SLC8A1: variants seen among roughly 807,000 people sequenced by gnomAD.
SLC8A1 encodes solute carrier family 8 member A1.
Under a neutral mutation model 68.3 loss-of-function variants are expected in SLC8A1, and 18 were observed. That is an observed-to-expected ratio of 0.26 (90% CI 0.18 to 0.39). The LOEUF is 0.39. Ranked by LOEUF, SLC8A1 falls within the 10% of genes least tolerant of loss-of-function variation. SLC8A1 has a pLI of 1.00. For synonymous variants in SLC8A1, 475 were observed against 415.5 expected, an observed-to-expected ratio of 1.14 and a Z score of -1.74; for missense variants, 985 against 1,156.7, an observed-to-expected ratio of 0.85 and a Z score of 2.15.
chr2:40,285,258 T>A (rs2068126720), intron 2 of SLC8A1, among the ~76,000 whole-genome samples: 2 of 152,136 alleles, frequency 1.3e-5, no homozygotes, highest in African/African-American at 4.8e-5. Context: ...TATTTTTTGA[T>A]CACTACAATA....
At chr2:40,383,677 G>A (rs1682654769) in intron 2 of SLC8A1, among the ~76,000 whole-genome samples, 1 of 152,008 alleles carries the variant, frequency 6.6e-6, no homozygotes. Flanking sequence ...ACATAAACAA[G>A]TATTAAATAT....
At chr2:40,420,461 C>T (rs540902084) in intron 2 of SLC8A1, among the ~76,000 whole-genome samples, 2 of 151,790 alleles carry the variant, frequency 1.3e-5, no homozygotes, top group East Asian at 1.9e-4. Context: ...AGCGCCAAAG[C>T]AGGCAATGAC....
At chr2:40,365,564 T>C (rs1438037728) in intron 2 of SLC8A1, among the ~76,000 whole-genome samples, 2 of 152,094 alleles carry the variant, frequency 1.3e-5, no homozygotes, top group Non-Finnish European at 2.9e-5. Context: ...GGGCTCTGAA[T>C]CCCATTTGGA....
chr2:40,291,893 G>A (rs1249384166), intron 2 of SLC8A1, among the ~76,000 whole-genome samples: 1 of 149,578 alleles, frequency 6.7e-6, no homozygotes, highest in Non-Finnish European at 1.5e-5. Flanking sequence ...TGCTGGACAA[G>A]ACATCTTTAC....
chr2:40,396,179 G>GA, intron 2 of SLC8A1, among the ~76,000 whole-genome samples: 1 of 152,268 alleles, frequency 6.6e-6, no homozygotes, highest in East Asian at 1.9e-4. Flanking sequence ...GTCTCTAAGA[G>GA]AAAATGTGAG....
intron 2 of SLC8A1, among the ~76,000 whole-genome samples, chr2:40,289,499 A>T (rs1047280311): frequency 6.6e-6 from 1 of 152,240 alleles, no homozygotes; most frequent in East Asian, 1.9e-4. Flanking sequence ...CTGTCTCCAG[A>T]CAATCCCATT....
chr2:40,145,956 A>C (rs536357470), intron 6 of SLC8A1, among the ~76,000 whole-genome samples: 132 of 119,114 alleles, frequency 1.1e-3, no homozygotes, highest in African/African-American at 3.4e-3. Context: ...TTCCCAAACA[A>C]GAGTTGATCT....
At chr2:40,226,987 T>C (rs2059060331) in intron 2 of SLC8A1, among the ~76,000 whole-genome samples, 1 of 152,054 alleles carries the variant, frequency 6.6e-6, no homozygotes, top group Non-Finnish European at 1.5e-5. Context: ...TAAGAGACAT[T>C]TTAACAACAG....
At position 40,461,663 on chromosome 2, in the gene SLC8A1, A is replaced by G. The variant is rs558241796; in HGVS notation, c.-24-31359T>C. Among the ~76,000 whole-genome samples, 165 of 152,362 alleles carry G rather than the reference A, an allele frequency of 1.1e-3. 4 individuals are homozygous for G. Among genetic ancestry groups the G allele is most frequent in the Admixed American group, 1.3e-3 (20 of 15,298 alleles). ...GATTTTACTATTATTTCAGAAATAT[A>G]CAAGACCAGTGAAGGAAATCTAATA... On this transcript the variant is annotated intron_variant, in intron 1 of 7. Transcript: ENST00000402441.
chr2:40,348,709 G>C (rs1670116460), intron 2 of SLC8A1, among the ~76,000 whole-genome samples: 1 of 152,110 alleles, frequency 6.6e-6, no homozygotes, highest in Admixed American at 6.6e-5. Flanking sequence ...TGACCAGAAA[G>C]AGTGAGGACA....
intron 2 of SLC8A1, among the ~76,000 whole-genome samples, chr2:40,341,314 G>A (rs567444817): frequency 6.6e-6 from 1 of 152,134 alleles, no homozygotes; most frequent in African/African-American, 2.4e-5. Flanking sequence ...AAGTAAATAA[G>A]TAAATAAATA....
chr2:40,362,822 T>G (rs1388268869), intron 2 of SLC8A1, among the ~76,000 whole-genome samples: 1 of 152,164 alleles, frequency 6.6e-6, no homozygotes, highest in Non-Finnish European at 1.5e-5. Flanking sequence ...CAAGTTAAAT[T>G]CTGTGTTCTC....
intron 1 of SLC8A1, among the ~76,000 whole-genome samples, chr2:40,484,668 T>C (rs1183606321): frequency 1.3e-5 from 2 of 152,222 alleles, no homozygotes; most frequent in Admixed American, 6.5e-5. Context: ...GGGTTGGTAC[T>C]ATCAGCTGAG....
chr2:40,305,062 C>G (rs147445935), intron 2 of SLC8A1, among the ~76,000 whole-genome samples: 121 of 152,322 alleles, frequency 7.9e-4, no homozygotes, highest in Middle Eastern at 6.8e-3. Flanking sequence ...GCATTTCTAA[C>G]AACTTCCCAG....
At chr2:40,233,413 C>G (rs1311990623) in intron 2 of SLC8A1, among the ~76,000 whole-genome samples, 2 of 150,090 alleles carry the variant, frequency 1.3e-5, no homozygotes, top group Non-Finnish European at 3.0e-5. Flanking sequence ...AGTGTCTGTT[C>G]ATGTCCTTTG....
chr2:40,362,629 T>C (rs543373278), intron 2 of SLC8A1, among the ~76,000 whole-genome samples: 1 of 152,290 alleles, frequency 6.6e-6, no homozygotes, highest in East Asian at 1.9e-4. Flanking sequence ...AGGTGTTGTC[T>C]TGGTGACTCA....
chr2:40,376,763 T>C (rs1680022770), intron 2 of SLC8A1, among the ~76,000 whole-genome samples: 1 of 152,110 alleles, frequency 6.6e-6, no homozygotes, highest in African/African-American at 2.4e-5. Flanking sequence ...ATTGAGCAGC[T>C]GGGCTAGCAG....
chr2:40,384,790 G>A (rs1683037140), intron 2 of SLC8A1, among the ~76,000 whole-genome samples: 1 of 152,050 alleles, frequency 6.6e-6, no homozygotes, highest in Non-Finnish European at 1.5e-5. Context: ...ATTTAAAAAT[G>A]TATTAGCTTT....
At chr2:40,248,273 T>TTTATG (rs1003970085) in intron 2 of SLC8A1, among the ~76,000 whole-genome samples, 3 of 151,436 alleles carry the variant, frequency 2.0e-5, no homozygotes, top group African/African-American at 7.4e-5. Flanking sequence ...TGGCTGAATG[T>TTTATG]TTATGTTTTC....
Sources: allele counts gnomAD v4.1 joint callset (sites outside exome capture counted in the v4.1 genomes callset), GRCh38; gene constraint gnomAD v4.1.1; transcripts MANE v1.5; gene names NCBI Gene and HGNC (gene_info 2026-07-23, HGNC 2026-07-21).